PLAGL1: variants seen among roughly 807,000 people sequenced by gnomAD.
The protein encoded by PLAGL1 is zinc finger protein PLAGL1.
Under a neutral mutation model 4.6 loss-of-function variants are expected in PLAGL1, and 1 was observed. That is an observed-to-expected ratio of 0.22 (90% CI 0.08 to 1.03). The LOEUF (loss-of-function observed/expected upper bound fraction) is 1.03. PLAGL1 is among the 50% of genes least tolerant of loss of function. The probability of loss-of-function intolerance (pLI) is 0.58; values close to 1 mark genes in which losing one functional copy is unlikely to be tolerated. For synonymous variants in PLAGL1, 240 were observed against 237.8 expected (o/e 1.01, Z -0.08); for missense variants, 464 against 570.4 (o/e 0.81, Z 1.90).
chr6:143,943,405 A>G (rs1779083834), intron 7 of PLAGL1, among the ~76,000 whole-genome samples: 1 of 152,166 alleles, frequency 6.6e-6, no homozygotes, highest in African/African-American at 2.4e-5. Context: ...AGTTCAAGCC[A>G]TGGACATGTA....
intron 1 of PLAGL1, among the ~76,000 whole-genome samples, chr6:144,019,787 A>AC (rs1468896868): frequency 1.0e-4 from 3 of 29,968 alleles, no homozygotes; most frequent in Admixed American, 6.2e-4. Flanking sequence ...CAAAAAAGTT[A>AC]CTTAAAAAAA....
At chr6:143,944,932 C>T (rs975998942) in intron 7 of PLAGL1, among the ~76,000 whole-genome samples, 9 of 151,978 alleles carry the variant, frequency 5.9e-5, no homozygotes, top group African/African-American at 1.5e-4. Flanking sequence ...ACCAGGTTAA[C>T]GACTGCACCT....
rs1418982829 is a variant in PLAGL1, at chr6:143,955,189, G to A, written c.-325+5280C>T. 6.6e-6 allele frequency among the ~76,000 whole-genome samples: 1 copy of A among 152,208 alleles called. No individual in the cohort carries two copies. The highest frequency in any genetic ancestry group is 2.4e-5 in the African/African-American group (1 of 41,440). On this transcript the variant is annotated intron_variant, in intron 6 of 7. Coordinates refer to ENST00000674357, the MANE Select transcript of PLAGL1 (RefSeq NM_001317162.2). The surrounding 1 kb of genome is among the most constrained non-coding windows in gnomAD (Gnocchi z 4.9). The stretch of plus-strand genomic sequence containing the variant: ...TCTCTTGCTTGGGAGATCAAGAAAG[G>A]TGTCACAGAGAAGTAAAAGTTGAAG...
rs1369046866 is a variant in PLAGL1, at chr6:143,978,295, T to C, written c.-544+6840A>G. Among the ~76,000 whole-genome samples the C allele has an allele frequency of 6.6e-6, 1 of 152,190 alleles. No individual in the cohort carries two copies. The highest frequency in any genetic ancestry group is 2.4e-5 in the African/African-American group (1 of 41,458). On this transcript the variant is annotated intron_variant, in intron 2 of 7. Coordinates refer to ENST00000674357, the MANE Select transcript of PLAGL1 (RefSeq NM_001317162.2). This position sits in a 1 kb window ranked among gnomAD's most constrained non-coding sequence, Gnocchi z 4.6. Reference sequence around the variant, plus strand: ...TTATTGATTTTAGGTTCTTTTTCTTTTCTAATACATCATTTAATGCTACAA... The same window carrying C: ...TTATTGATTTTAGGTTCTTTTTCTTCTCTAATACATCATTTAATGCTACAA...
rs1272429686 is a variant in PLAGL1 at position 144,050,307 on chromosome 6, G to A, written c.-151+14161C>T. On this transcript the variant is annotated intron_variant, in intron 1 of 3. Transcript: ENST00000437412. The surrounding 1 kb of genome is among the most constrained non-coding windows in gnomAD (Gnocchi z 4.3). Reference sequence around the variant, plus strand: ...TGTTCTTTTATTTCCCCTTGAAATCGACTGCTGAACTCAACTAAGTGAAAT... The same window carrying A: ...TGTTCTTTTATTTCCCCTTGAAATCAACTGCTGAACTCAACTAAGTGAAAT... 6.6e-6 allele frequency among the ~76,000 whole-genome samples: 1 copy of A among 152,072 alleles called. No homozygotes were observed. Among genetic ancestry groups the A allele is most frequent in the Non-Finnish European group, 1.5e-5 (1 of 68,022 alleles).
In PLAGL1 at chr6:143,950,795, C is replaced by A. The variant is rs1288761772; in HGVS notation, c.-324-2335G>T. On this transcript the variant is annotated intron_variant, in intron 6 of 7. Coordinates refer to ENST00000674357, the MANE Select transcript of PLAGL1 (RefSeq NM_001317162.2). The surrounding 1 kb of genome is among the most constrained non-coding windows in gnomAD (Gnocchi z 6.3). ...TTTATGAGATGACTGGCATGTCCAA[C>A]AGAACTTTCTGCAATGATGGAAATG... 6.6e-6 allele frequency among the ~76,000 whole-genome samples: 1 copy of A among 152,178 alleles called. No homozygotes were observed. The highest frequency in any genetic ancestry group is 2.1e-4 in the South Asian group (1 of 4,830).
rs182903871 is a variant in PLAGL1 at position 143,973,441 on chromosome 6, C to T, written c.-543-4463G>A. Among the ~76,000 whole-genome samples the T allele has an allele frequency of 1.3e-5, 2 of 152,276 alleles. No individual in the cohort carries two copies. The highest frequency in any genetic ancestry group is 3.9e-4 in the East Asian group (2 of 5,182). On this transcript the variant is annotated intron_variant, in intron 2 of 7. Transcript: ENST00000674357. The surrounding 1 kb of genome is among the most constrained non-coding windows in gnomAD (Gnocchi z 6.2). The stretch of plus-strand genomic sequence containing the variant: ...CAATCACCCAGCATAATATACTGCT[C>T]GCTAGTTCATCCAAGGTCAGAGGGA...
At position 144,039,822 on chromosome 6, in the gene PLAGL1, T is replaced by C. The variant is rs772578684; in HGVS notation, c.-151+24646A>G. Among the ~76,000 whole-genome samples the C allele has an allele frequency of 3.9e-5, 6 of 152,222 alleles. No homozygotes were observed. Among genetic ancestry groups the C allele is most frequent in the Non-Finnish European group, 7.3e-5 (5 of 68,028 alleles). ...GTACACCAAGATATATCTGCAAGAA[T>C]GTTCACAGCAAATCTCTTTGTAGTA... On this transcript the variant is annotated intron_variant, in intron 1 of 3. Transcript: ENST00000437412. The surrounding 1 kb of genome is among the most constrained non-coding windows in gnomAD (Gnocchi z 4.1).
upstream of PLAGL1, among the ~76,000 whole-genome samples, chr6:144,009,943 A>T (rs925544406): frequency 6.6e-6 from 1 of 152,144 alleles, no homozygotes; most frequent in Non-Finnish European, 1.5e-5. Context: ...GTTGATTCCA[A>T]GTCTTTGCTA....
At position 144,063,235 on chromosome 6, in the gene PLAGL1, C is replaced by T. The variant is rs1799565258; in HGVS notation, c.-151+1233G>A. Among the ~76,000 whole-genome samples the T allele has an allele frequency of 6.6e-6, 1 of 152,204 alleles. No homozygotes were observed. The highest frequency in any genetic ancestry group is 1.5e-5 in the Non-Finnish European group (1 of 68,052). ...CAATTTCTCCCCTTTCCACACACTT[C>T]CATACACCCTATTTCACCTCTATTA... is the stretch of plus-strand genomic sequence containing the variant. On this transcript the variant is annotated intron_variant, in intron 1 of 3. Transcript: ENST00000437412. This position sits in a 1 kb window ranked among gnomAD's most constrained non-coding sequence, Gnocchi z 5.7.
rs1174240607 is a variant in PLAGL1 at position 143,983,953 on chromosome 6, T to C, written c.-544+1182A>G. Among the ~76,000 whole-genome samples, 9 of 152,064 alleles carry C rather than the reference T, an allele frequency of 5.9e-5. No individual in the cohort carries two copies. The highest frequency in any genetic ancestry group is 5.3e-4 in the Admixed American group (8 of 15,238). On this transcript the variant is annotated intron_variant, in intron 2 of 7. Transcript: ENST00000674357. The surrounding 1 kb of genome is among the most constrained non-coding windows in gnomAD (Gnocchi z 6.6). ...CCGAGAAGCCAGGCTGTTAAGACTC[T>C]ACGAAGCCTGAAAATCACCAAGAAT...
rs1427394523 is a variant in PLAGL1 at position 144,034,003 on chromosome 6, T to C, written c.-151+30465A>G. Reference sequence around the variant, plus strand: ...ATTGCTAGAGATGAAAGATACACTATGCAAAATCAAAAACACATGGATGCT... The same window carrying C: ...ATTGCTAGAGATGAAAGATACACTACGCAAAATCAAAAACACATGGATGCT... On this transcript the variant is annotated intron_variant, in intron 1 of 3. Coordinates refer to the PLAGL1 transcript ENST00000437412. The surrounding 1 kb of genome is among the most constrained non-coding windows in gnomAD (Gnocchi z 4.7). Among the ~76,000 whole-genome samples, 3 of 152,206 alleles carry C rather than the reference T, an allele frequency of 2.0e-5. No homozygotes were observed. The highest frequency in any genetic ancestry group is 6.5e-5 in the Admixed American group (1 of 15,284).
At chr6:143,988,008 C>T (rs914277460) in intron 1 of PLAGL1, among the ~76,000 whole-genome samples, 4 of 152,102 alleles carry the variant, frequency 2.6e-5, no homozygotes, top group African/African-American at 9.7e-5. Context: ...TTAGAATAAC[C>T]TTTCTATCTT....
At position 143,973,299 on chromosome 6, in the gene PLAGL1, G is replaced by A. The variant is rs1399814221; in HGVS notation, c.-543-4321C>T. ...ATTAGGCCCAGCCCAGACAAACAGC[G>A]ACAGGTTTCCTTGAGACAAGGAGAG... On this transcript the variant is annotated intron_variant, in intron 2 of 7. Transcript: ENST00000674357. This position sits in a 1 kb window ranked among gnomAD's most constrained non-coding sequence, Gnocchi z 6.2. 3.3e-5 allele frequency among the ~76,000 whole-genome samples: 5 copies of A among 152,262 alleles called. 1 individual carries two copies. Among genetic ancestry groups the A allele is most frequent in the Admixed American group, 2.6e-4 (4 of 15,286 alleles).
Position 144,063,259 on chromosome 6 carries a change from T to C in PLAGL1, c.-151+1209A>G, listed in dbSNP as rs1329941315. 1.3e-5 allele frequency among the ~76,000 whole-genome samples: 2 copies of C among 152,188 alleles called. No individual in the cohort carries two copies. The highest frequency in any genetic ancestry group is 2.4e-5 in the African/African-American group (1 of 41,456). On this transcript the variant is annotated intron_variant, in intron 1 of 3. Coordinates refer to the PLAGL1 transcript ENST00000437412. This position sits in a 1 kb window ranked among gnomAD's most constrained non-coding sequence, Gnocchi z 5.7. ...TCCATACACCCTATTTCACCTCTATTACAAGTTCTCTGGGGCCACTTTACA... is the reference window on the plus strand; with the variant it reads ...TCCATACACCCTATTTCACCTCTATCACAAGTTCTCTGGGGCCACTTTACA...
chr6:144,027,230 C>A lies in PLAGL1; in HGVS notation c.-151+37238G>T, dbSNP rs370637102. 5.5e-3 allele frequency among the ~76,000 whole-genome samples: 550 copies of A among 99,146 alleles called. 9 individuals are homozygous for A. The highest frequency in any genetic ancestry group is 0.022 in the African/African-American group (531 of 24,152). 65.0% of individuals were successfully genotyped at this position (99,146 alleles called of 152,430 possible). A position where few individuals can be genotyped will look rare whatever the true frequency, so the allele number is the denominator to read the frequency against. ...CAGAGAAAGACCCCAACTCAAAGAA[C>A]GAACGAAAGAAAGAAAGAAAGAAAG... On this transcript the variant is annotated intron_variant, in intron 1 of 3. Coordinates refer to the PLAGL1 transcript ENST00000437412. The surrounding 1 kb of genome is among the most constrained non-coding windows in gnomAD (Gnocchi z 5.8).
In PLAGL1 at chr6:144,036,892, TA is replaced by T; in HGVS notation, c.-151+27575del. The T allele has an allele frequency of 7.7e-6, 2 of 259,108 alleles. No individual in the cohort carries two copies. Among genetic ancestry groups the T allele is most frequent in the South Asian group, 4.8e-5 (1 of 20,914 alleles). 16.1% of individuals were successfully genotyped at this position (259,108 alleles called of 1,614,324 possible). ...TTTGTTCTTGGTGTTGGACAAATCA[TA>T]AAAGGACCAGACATTGCTGTGATGA... On this transcript the variant is annotated intron_variant, in intron 1 of 3. Transcript: ENST00000437412. This position sits in a 1 kb window ranked among gnomAD's most constrained non-coding sequence, Gnocchi z 5.1.
rs1781432106 is a variant in PLAGL1 at position 143,953,220 on chromosome 6, T to G, written c.-324-4760A>C. Reference sequence around the variant, plus strand: ...GTAGAGATCTCCACCTTAATATGTTTGAAGAGCTTTCACTCTAGTTTATCC... The same window carrying G: ...GTAGAGATCTCCACCTTAATATGTTGGAAGAGCTTTCACTCTAGTTTATCC... On this transcript the variant is annotated intron_variant, in intron 6 of 7. Coordinates refer to ENST00000674357, the MANE Select transcript of PLAGL1 (RefSeq NM_001317162.2). The surrounding 1 kb of genome is among the most constrained non-coding windows in gnomAD (Gnocchi z 5.3). Among the ~76,000 whole-genome samples, 1 of 152,224 alleles carries G rather than the reference T, an allele frequency of 6.6e-6. No homozygotes were observed. Among genetic ancestry groups the G allele is most frequent in the Admixed American group, 6.5e-5 (1 of 15,288 alleles).
At chr6:144,009,660 A>ACCCCCCTAGCC (rs1794992169), upstream of PLAGL1, among the ~76,000 whole-genome samples, 2 of 150,262 alleles carry the variant, frequency 1.3e-5, no homozygotes, top group Admixed American at 6.6e-5. Flanking sequence ...TGCTATCCCT[A>ACCCCCCTAGCC]CCCCACTAGC....
Sources: gnomAD v4.1 joint callset for allele counts (sites outside exome capture counted in the v4.1 genomes callset) on GRCh38, gnomAD v4.1.1 for gene constraint, Gnocchi (gnomAD v3.1) non-coding constraint, MANE v1.5 for transcripts, NCBI Gene and HGNC (gene_info 2026-07-23, HGNC 2026-07-21) for gene names.